The following ANO4 variants were observed in gnomAD, a reference collection of about 807,000 sequenced individuals.
ANO4 encodes anoctamin 4, also known as anoctamin-4.
A neutral mutation model predicts 141.9 loss-of-function variants in ANO4; 69 were observed. That is an observed-to-expected ratio of 0.49 (90% confidence interval 0.40 to 0.59). The LOEUF is 0.59. ANO4 is among the 20% of genes least tolerant of loss of function. The pLI is 0.00. For synonymous variants in ANO4, 350 were observed against 394.3 expected, an observed-to-expected ratio of 0.89 and a Z score of 1.33; for missense variants, 894 against 1,162.2, an observed-to-expected ratio of 0.77 and a Z score of 3.36.
chr12:100,964,626 T>G (rs539836546), intron 5 of ANO4, among the ~76,000 whole-genome samples: 2 of 152,308 alleles, frequency 1.3e-5, no homozygotes, highest in East Asian at 1.9e-4. Context: ...CAGATGCAAG[T>G]GGCTAACCTG....
intron 3 of ANO4, among the ~76,000 whole-genome samples, chr12:100,774,792 C>T (rs1269412377): frequency 6.6e-6 from 1 of 152,226 alleles, no homozygotes; most frequent in Non-Finnish European, 1.5e-5. Context: ...TTCCTATAAT[C>T]ATCAGTCACT....
intron 1 of ANO4, among the ~76,000 whole-genome samples, chr12:100,820,913 G>C (rs1417649373): frequency 1.3e-5 from 2 of 152,016 alleles, no homozygotes; most frequent in Non-Finnish European, 2.9e-5. Flanking sequence ...CCGGTGATTT[G>C]CACTGTGCTC....
intron 3 of ANO4, among the ~76,000 whole-genome samples, chr12:100,754,867 T>C (rs755672162): frequency 1.3e-5 from 2 of 152,010 alleles, no homozygotes; most frequent in African/African-American, 2.4e-5. Context: ...AGTAGTCAAA[T>C]CCATAGAGAC....
chr12:100,980,561 C>G (rs2044413910), intron 7 of ANO4, among the ~76,000 whole-genome samples: 1 of 152,136 alleles, frequency 6.6e-6, no homozygotes, highest in Non-Finnish European at 1.5e-5. Flanking sequence ...CTTGGAGTTT[C>G]ATTTATATAA....
At chr12:100,844,965 C>T (rs1159767347) in intron 1 of ANO4, among the ~76,000 whole-genome samples, 1 of 152,026 alleles carries the variant, frequency 6.6e-6, no homozygotes, top group East Asian at 1.9e-4. Context: ...TGAAAAGGAA[C>T]AGCAGAGGAG....
intron 1 of ANO4, among the ~76,000 whole-genome samples, chr12:100,849,043 G>A (rs968375115): frequency 1.3e-5 from 2 of 152,138 alleles, no homozygotes; most frequent in Admixed American, 1.3e-4. Flanking sequence ...TAGGCCTCGT[G>A]CACGTGTTAG....
intron 1 of ANO4, among the ~76,000 whole-genome samples, chr12:100,727,890 C>T (rs925167840): frequency 1.3e-5 from 2 of 152,096 alleles, no homozygotes; most frequent in African/African-American, 4.8e-5. Context: ...TTAATAATTG[C>T]CCTTGTACTT....
In ANO4 at chr12:101,042,421, G is replaced by T; in HGVS notation, c.1107G>T (p.Leu369Phe). 1 of 1,614,154 alleles carries T rather than the reference G, an allele frequency of 6.2e-7. No homozygotes were observed. The highest frequency in any genetic ancestry group is 1.1e-5 in the South Asian group (1 of 91,082). The stretch of plus-strand genomic sequence containing the variant: ...TCTTCCCAGCTGCCTTCATTGGATT[G>T]TTTGTCTTTTTGTATGGCGTCACCA... ...GMLFPAAFIG[L>F]FVFLYGVTTL... Residue 369 changes from leucine (L) to phenylalanine (F), a missense_variant, in exon 12 of 28, where the codon TTG (leucine) becomes TTT (phenylalanine). By Grantham distance (22) the Leu-to-Phe change is conservative. Transcript: ENST00000392977.
At chr12:100,873,387 C>T (rs1157122907) in intron 1 of ANO4, among the ~76,000 whole-genome samples, 1 of 152,114 alleles carries the variant, frequency 6.6e-6, no homozygotes, top group Non-Finnish European at 1.5e-5. Context: ...ATGCTGATAG[C>T]AATATGGTCA....
chr12:100,911,617 A>G (rs2041107314), intron 2 of ANO4, among the ~76,000 whole-genome samples: 1 of 152,140 alleles, frequency 6.6e-6, no homozygotes, highest in Admixed American at 6.5e-5. Context: ...AATAAAATTC[A>G]TTCCTATTTC....
intron 8 of ANO4, among the ~76,000 whole-genome samples, chr12:101,010,249 T>G (rs2046029952): frequency 6.6e-6 from 1 of 152,182 alleles, no homozygotes; most frequent in Non-Finnish European, 1.5e-5. Context: ...AAAAATTGTA[T>G]GCAAATGTTT....
intron 1 of ANO4, among the ~76,000 whole-genome samples, chr12:100,896,619 G>T (rs995508199): frequency 1.3e-5 from 2 of 152,150 alleles, no homozygotes; most frequent in Non-Finnish European, 2.9e-5. Context: ...TCCTGGTTGT[G>T]GTAATTTGTT....
intron 9 of ANO4, among the ~76,000 whole-genome samples, chr12:101,032,175 C>T (rs2046999998): frequency 6.6e-6 from 1 of 152,178 alleles, no homozygotes; most frequent in South Asian, 2.1e-4. Context: ...TACCTGACTT[C>T]AAACTATACT....
intron 14 of ANO4, among the ~76,000 whole-genome samples, chr12:101,061,636 T>C (rs1346466514): frequency 2.0e-5 from 3 of 151,922 alleles, no homozygotes; most frequent in Admixed American, 2.0e-4. Flanking sequence ...TAAGTTGATC[T>C]TCAGTCTCTG....
intron 12 of ANO4, 25 bp from the exon 13 acceptor site, chr12:101,043,514 C>T (rs1481747985): frequency 3.2e-6 from 5 of 1,556,916 alleles, no homozygotes; most frequent in Non-Finnish European, 3.5e-6. Context: ...CATCAAAAAG[C>T]AGTCCTTTCT....
At chr12:101,004,314 C>T (rs992406062) in intron 8 of ANO4, among the ~76,000 whole-genome samples, 1 of 152,002 alleles carries the variant, frequency 6.6e-6, no homozygotes, top group Non-Finnish European at 1.5e-5. Context: ...AGCTGAGCCT[C>T]GGACTCCTGG....
intron 1 of ANO4, among the ~76,000 whole-genome samples, chr12:100,851,121 C>A (rs1593517147): frequency 6.6e-6 from 1 of 152,080 alleles, no homozygotes; most frequent in South Asian, 2.1e-4. Flanking sequence ...ATTTTTTAAA[C>A]TCTAGATACA....
intron 1 of ANO4, among the ~76,000 whole-genome samples, chr12:100,809,786 G>A (rs2035285512): frequency 6.6e-6 from 1 of 152,200 alleles, no homozygotes; most frequent in South Asian, 2.1e-4. Flanking sequence ...AACTCTGGTA[G>A]CCATATGGAG....
At chr12:101,007,032 C>T (rs2045900135) in intron 8 of ANO4, among the ~76,000 whole-genome samples, 1 of 152,082 alleles carries the variant, frequency 6.6e-6, no homozygotes, top group Non-Finnish European at 1.5e-5. Flanking sequence ...CTGTTTGAAC[C>T]ATGAGAGTCA....
Sources: gnomAD v4.1 joint callset for allele counts (sites outside exome capture counted in the v4.1 genomes callset) on GRCh38, gnomAD v4.1.1 for gene constraint, MANE v1.5 for transcripts, NCBI Gene and HGNC (gene_info 2026-07-23, HGNC 2026-07-21) for gene names.